The following RAB3C variants were observed in gnomAD, a reference collection of about 807,000 sequenced individuals.
RAB3C encodes RAB3C, member RAS oncogene family, also known as ras-related protein Rab-3C.
RAB3C carries 17 observed loss-of-function variants against 26.4 expected under a neutral mutation model. The observed-to-expected ratio is 0.64, with a 90% CI of 0.44 to 0.97. RAB3C has a LOEUF of 0.97. Ranked by LOEUF, RAB3C falls within the 50% of genes least tolerant of loss-of-function variation. The pLI is 0.00. For synonymous variants in RAB3C, 91 were observed against 95.9 expected (o/e 0.95, Z 0.30); for missense variants, 242 against 281.9 (o/e 0.86, Z 1.01).
At chr5:58,762,995 T>G (rs292962) in intron 3 of RAB3C, among the ~76,000 whole-genome samples, 51,834 of 152,076 alleles carry the variant, frequency 0.34, 9,463 homozygotes, top group East Asian at 0.49. Context: ...ACAGTATAAA[T>G]TTACATGGAG....
rs188655943 is a variant in RAB3C at position 58,800,815 on chromosome 5, C to T, written c.372-24223C>T. Reference sequence around the variant, plus strand: ...TAGCTCAGAGTGACCATTGGTGAATCGCTTCATCTCCATGTGGAACTAAAT... The same window carrying T: ...TAGCTCAGAGTGACCATTGGTGAATTGCTTCATCTCCATGTGGAACTAAAT... On this transcript the variant is annotated intron_variant, in intron 3 of 4. Coordinates refer to ENST00000282878, the MANE Select transcript of RAB3C (RefSeq NM_138453.4). Among the ~76,000 whole-genome samples, 263 of 152,286 alleles carry T rather than the reference C, an allele frequency of 1.7e-3. 1 individual carries two copies. The highest frequency in any genetic ancestry group is 4.1e-3 in the Admixed American group (62 of 15,296).
chr5:58,837,398 T>A (rs931307506), intron 4 of RAB3C, among the ~76,000 whole-genome samples: 2 of 152,022 alleles, frequency 1.3e-5, no homozygotes. Context: ...GCCAGGCTGG[T>A]CTCGAACTCC....
intron 4 of RAB3C, among the ~76,000 whole-genome samples, chr5:58,841,291 T>TC (rs954673829): frequency 6.6e-6 from 1 of 152,118 alleles, no homozygotes; most frequent in Non-Finnish European, 1.5e-5. Context: ...GCTATACTCT[T>TC]CCCCCAGCTG....
chr5:58,834,767 TGGGTTGGTTTA>T (rs1383430825), intron 4 of RAB3C, among the ~76,000 whole-genome samples: 1 of 152,212 alleles, frequency 6.6e-6, no homozygotes, highest in African/African-American at 2.4e-5. Context: ...TTAATGTGTT[TGGGTTGGTTTA>T]GGTGTGGTCA....
intron 3 of RAB3C, among the ~76,000 whole-genome samples, chr5:58,758,168 T>C (rs1171740964): frequency 2.6e-5 from 4 of 152,216 alleles, no homozygotes; most frequent in African/African-American, 9.6e-5. Flanking sequence ...ATGGTCTTGA[T>C]CTCCTGACCT....
At chr5:58,616,959 G>A (rs1746836774) in intron 1 of RAB3C, among the ~76,000 whole-genome samples, 1 of 152,070 alleles carries the variant, frequency 6.6e-6, no homozygotes, top group Non-Finnish European at 1.5e-5. Flanking sequence ...CCTATATGAA[G>A]TTGAGCAAGT....
At chr5:58,635,683 G>C (rs1411135517) in intron 2 of RAB3C, among the ~76,000 whole-genome samples, 1 of 152,146 alleles carries the variant, frequency 6.6e-6, no homozygotes, top group East Asian at 1.9e-4. Context: ...GTGCTCTAGA[G>C]CATACTTTAC....
At chr5:58,724,472 TA>T (rs1279861232) in intron 2 of RAB3C, among the ~76,000 whole-genome samples, 5 of 151,872 alleles carry the variant, frequency 3.3e-5, no homozygotes, top group Non-Finnish European at 7.4e-5. Flanking sequence ...GACCTTTTTA[TA>T]AACTTCCTTT....
intron 4 of RAB3C, among the ~76,000 whole-genome samples, chr5:58,834,373 A>G (rs377346102): frequency 6.6e-5 from 10 of 152,272 alleles, no homozygotes; most frequent in African/African-American, 2.4e-4. Flanking sequence ...TTTTTCCTTC[A>G]GTTTTAATCC....
At chr5:58,840,173 CT>C (rs200665619) in intron 4 of RAB3C, among the ~76,000 whole-genome samples, 3 of 150,148 alleles carry the variant, frequency 2.0e-5, no homozygotes, top group East Asian at 2.0e-4. Context: ...TATCTTTTTT[CT>C]TTTTTTTTCT....
At chr5:58,825,977 A>G (rs182902385) in intron 4 of RAB3C, among the ~76,000 whole-genome samples, 9 of 152,302 alleles carry the variant, frequency 5.9e-5, no homozygotes, top group African/African-American at 1.9e-4. Flanking sequence ...GACACTGAAG[A>G]CTGGAGATAT....
At chr5:58,623,359 A>G (rs112192554) in intron 2 of RAB3C, among the ~76,000 whole-genome samples, 4 of 152,192 alleles carry the variant, frequency 2.6e-5, no homozygotes, top group African/African-American at 9.6e-5. Flanking sequence ...CAGGAAAACA[A>G]TCAGGTCCTC....
intron 2 of RAB3C, among the ~76,000 whole-genome samples, chr5:58,644,631 T>C (rs1388470307): frequency 6.6e-6 from 1 of 152,216 alleles, no homozygotes; most frequent in Non-Finnish European, 1.5e-5. Context: ...TTTGGAGCTA[T>C]AAATAGGTTG....
intron 4 of RAB3C, among the ~76,000 whole-genome samples, 183 bp downstream of exon 4, chr5:58,825,345 G>C (rs1445873726): frequency 6.6e-6 from 1 of 152,150 alleles, no homozygotes; most frequent in African/African-American, 2.4e-5. Flanking sequence ...GGCATCATGA[G>C]AGCTCAAGCG....
chr5:58,699,425 G>A (rs908085075), intron 2 of RAB3C, among the ~76,000 whole-genome samples: 1 of 152,202 alleles, frequency 6.6e-6, no homozygotes, highest in South Asian at 2.1e-4. Flanking sequence ...GGGGGTCAGG[G>A]ACCCACTTGA....
At chr5:58,708,533 TAGG>T (rs1748998468) in intron 2 of RAB3C, among the ~76,000 whole-genome samples, 1 of 152,148 alleles carries the variant, frequency 6.6e-6, no homozygotes, top group Non-Finnish European at 1.5e-5. Context: ...GTCTTTCCTG[TAGG>T]AGAAGGATCA....
chr5:58,821,591 C>T (rs1037348810), intron 3 of RAB3C, among the ~76,000 whole-genome samples: 1 of 152,154 alleles, frequency 6.6e-6, no homozygotes, highest in African/African-American at 2.4e-5. Context: ...CCAAATCTCA[C>T]TGTTGCTAAG....
intron 3 of RAB3C, among the ~76,000 whole-genome samples, chr5:58,768,121 G>T (rs1364977160): frequency 6.6e-6 from 1 of 152,160 alleles, no homozygotes; most frequent in Non-Finnish European, 1.5e-5. Context: ...GAAGAAGACA[G>T]GTCAGAGTGG....
chr5:58,802,881 C>G (rs1742841915), intron 3 of RAB3C, among the ~76,000 whole-genome samples: 1 of 152,334 alleles, frequency 6.6e-6, no homozygotes, highest in South Asian at 2.1e-4. Flanking sequence ...TTCAGGGACA[C>G]AAGTTCTTTC....
Sources: gnomAD v4.1 joint callset for allele counts (sites outside exome capture counted in the v4.1 genomes callset) on GRCh38, gnomAD v4.1.1 for gene constraint, MANE v1.5 for transcripts, NCBI Gene and HGNC (gene_info 2026-07-23, HGNC 2026-07-21) for gene names.